The following NPAS2 variants were observed in gnomAD, a reference collection of about 807,000 sequenced individuals.
The protein encoded by NPAS2 is neuronal PAS domain protein 2.
NPAS2 carries 23 observed loss-of-function variants against 107.5 expected under a neutral mutation model. That is an observed-to-expected ratio of 0.21 (90% CI 0.15 to 0.30). NPAS2 has a LOEUF of 0.30. NPAS2 is among the 10% of genes least tolerant of loss of function. NPAS2 has a pLI of 1.00. For synonymous variants in NPAS2, 403 were observed against 417.5 expected (o/e 0.97, Z 0.42); for missense variants, 756 against 1,043.3 (o/e 0.72, Z 3.79).
intron 4 of NPAS2, among the ~76,000 whole-genome samples, chr2:100,933,413 G>A (rs543212495): frequency 1.3e-5 from 2 of 152,270 alleles, no homozygotes; most frequent in East Asian, 1.9e-4. Flanking sequence ...GTAGAAACAC[G>A]TTTTGAAATT....
At chr2:100,855,827 A>T (rs1249894477) in intron 1 of NPAS2, among the ~76,000 whole-genome samples, 1 of 152,198 alleles carries the variant, frequency 6.6e-6, no homozygotes, top group Non-Finnish European at 1.5e-5. Flanking sequence ...CTGATGAATC[A>T]CTGGCTCTTG....
At chr2:100,931,415 G>A (rs1221918781) in intron 3 of NPAS2, among the ~76,000 whole-genome samples, 3 of 151,890 alleles carry the variant, frequency 2.0e-5, no homozygotes, top group South Asian at 4.2e-4. Flanking sequence ...TGGTGGAGAC[G>A]AGCACTGCTG....
intron 19 of NPAS2, among the ~76,000 whole-genome samples, chr2:100,991,953 T>A (rs1678159852): frequency 1.3e-5 from 2 of 152,228 alleles, no homozygotes; most frequent in Non-Finnish European, 2.9e-5. Context: ...CTAGGCAGCC[T>A]CTGCCCCTGA....
At chr2:100,983,861 C>T (rs940954994) in intron 16 of NPAS2, 1 of 152,210 alleles carries the variant, frequency 6.6e-6, no homozygotes, top group South Asian at 2.1e-4. Context: ...ACTCCAATTA[C>T]TTTAATGGAA....
chr2:100,908,021 G>GGT lies in NPAS2; in HGVS notation c.32+3247_32+3248dup, dbSNP rs145091993. On this transcript the variant is annotated intron_variant, in intron 2 of 20. Coordinates refer to ENST00000335681, the MANE Select transcript of NPAS2 (RefSeq NM_002518.4). Reference sequence around the variant, plus strand: ...ATTCTGATGTGAAACAGTGTTGTAGGGTGTGTGTGTGTGCACGTGCATGCG... The same window carrying GGT: ...ATTCTGATGTGAAACAGTGTTGTAGGGTGTGTGTGTGTGTGCACGTGCATGCG... Among the ~76,000 whole-genome samples the GGT allele has an allele frequency of 5.3e-5, 8 of 151,984 alleles. No homozygotes were observed. The South Asian group carries it at 6.2e-4, about 12-fold the overall frequency.
At chr2:100,884,026 C>T (rs1680548037) in intron 1 of NPAS2, among the ~76,000 whole-genome samples, 1 of 152,156 alleles carries the variant, frequency 6.6e-6, no homozygotes, top group Admixed American at 6.5e-5. Context: ...CACAGCCAGA[C>T]TCCTGTCTTC....
In NPAS2 at chr2:100,928,607, C is replaced by T. The variant is rs1170679928; in HGVS notation, c.181+3313C>T. Among the ~76,000 whole-genome samples, 4 of 152,320 alleles carry T rather than the reference C, an allele frequency of 2.6e-5. No homozygotes were observed. The East Asian group carries it at 7.7e-4, about 29-fold the overall frequency. On this transcript the variant is annotated intron_variant, in intron 3 of 20. Coordinates refer to ENST00000335681, the MANE Select transcript of NPAS2 (RefSeq NM_002518.4). ...CTACTCCGCACAACCTGCTTAAACA[C>T]AATGAGGATCATGCCAGGATCTCAC...
chr2:100,986,445 G>A (rs1677785324), intron 16 of NPAS2: 1 of 152,228 alleles, frequency 6.6e-6, no homozygotes, highest in Non-Finnish European at 1.5e-5. Context: ...TATGAGGTGG[G>A]ACTGCACTGA....
At chr2:100,991,042 C>T (rs1056865506) in intron 19 of NPAS2, among the ~76,000 whole-genome samples, 170 bp downstream of exon 19, 2 of 152,198 alleles carry the variant, frequency 1.3e-5, no homozygotes, top group Admixed American at 6.5e-5. Flanking sequence ...TTTCTTCTAC[C>T]GTGTCCCAAT....
At chr2:100,896,614 T>C (rs534513350) in intron 1 of NPAS2, among the ~76,000 whole-genome samples, 1 of 152,338 alleles carries the variant, frequency 6.6e-6, no homozygotes, top group African/African-American at 2.4e-5. Context: ...CTGAGTGGAT[T>C]TTCCCTCTAG....
chr2:100,928,542 G>GA lies in NPAS2; in HGVS notation c.181+3249dup, dbSNP rs1258116636. ...CAGAAATGCAGCCTCCAAATACCGG[G>GA]AGAGCCTGCTTCAGCTCGCCTTTTT... On this transcript the variant is annotated intron_variant, in intron 3 of 20. Coordinates refer to ENST00000335681, the MANE Select transcript of NPAS2 (RefSeq NM_002518.4). Among the ~76,000 whole-genome samples, 4 of 152,126 alleles carry GA rather than the reference G, an allele frequency of 2.6e-5. No homozygotes were observed. The East Asian group carries it at 7.7e-4, about 29-fold the overall frequency.
chr2:100,957,456 C>G (rs1675636365), intron 7 of NPAS2, among the ~76,000 whole-genome samples: 1 of 152,242 alleles, frequency 6.6e-6, no homozygotes, highest in African/African-American at 2.4e-5. Flanking sequence ...TTGCTTGTAA[C>G]AGATACTTTA....
intron 1 of NPAS2, among the ~76,000 whole-genome samples, chr2:100,828,683 T>C (rs1331517713): frequency 6.6e-6 from 1 of 152,224 alleles, no homozygotes; most frequent in Non-Finnish European, 1.5e-5. Flanking sequence ...TTTTGTCAAC[T>C]TTGTTGATGC....
rs192914970 is a variant in NPAS2, at chr2:100,973,538, T to C, written c.1141-1265T>C. 4.5e-3 allele frequency among the ~76,000 whole-genome samples: 679 copies of C among 152,298 alleles called. 2 individuals are homozygous for C. The highest frequency in any genetic ancestry group is 7.5e-3 in the Admixed American group (114 of 15,298). On this transcript the variant is annotated intron_variant, in intron 12 of 20. Coordinates refer to ENST00000335681, the MANE Select transcript of NPAS2 (RefSeq NM_002518.4). ...CCAAATTGCCATTTACCTCAGCACA[T>C]CCAGCCACATCTGGTATTTCTGTTT... is the stretch of plus-strand genomic sequence containing the variant.
At chr2:100,854,883 T>C (rs1235722139) in intron 1 of NPAS2, among the ~76,000 whole-genome samples, 1 of 152,204 alleles carries the variant, frequency 6.6e-6, no homozygotes, top group Non-Finnish European at 1.5e-5. Flanking sequence ...CGCTGAAATG[T>C]TGAGTGCTGG....
intron 1 of NPAS2, among the ~76,000 whole-genome samples, chr2:100,904,407 A>G (rs1306256524): frequency 6.6e-6 from 1 of 152,216 alleles, no homozygotes; most frequent in Non-Finnish European, 1.5e-5. Flanking sequence ...TGCTCCTTTT[A>G]AAAGAGCTCT....
chr2:100,836,365 G>A (rs552752826), intron 1 of NPAS2, among the ~76,000 whole-genome samples: 5 of 152,232 alleles, frequency 3.3e-5, no homozygotes, highest in African/African-American at 1.2e-4. Context: ...TTTCTGTTTT[G>A]TTTTCTTCTC....
chr2:100,897,094 G>A (rs1477917740), intron 1 of NPAS2, among the ~76,000 whole-genome samples: 1 of 151,974 alleles, frequency 6.6e-6, no homozygotes, highest in African/African-American at 2.4e-5. Context: ...ATGGGGAAAA[G>A]CCCCTTATAA....
At chr2:100,843,851 C>CA (rs901581051) in intron 1 of NPAS2, among the ~76,000 whole-genome samples, 1 of 152,142 alleles carries the variant, frequency 6.6e-6, no homozygotes, top group African/African-American at 2.4e-5. Context: ...ACCCATCAAT[C>CA]AGTTGTTCAG....
Sources: gnomAD v4.1 joint callset for allele counts (sites outside exome capture counted in the v4.1 genomes callset) on GRCh38, gnomAD v4.1.1 for gene constraint, MANE v1.5 for transcripts, NCBI Gene and HGNC (gene_info 2026-07-23, HGNC 2026-07-21) for gene names.